Variants in CSE1L observed in about 807,000 individuals in gnomAD.
CSE1L encodes the protein exportin-2.
In CSE1L, 24 loss-of-function variants were observed where a neutral mutation model predicts 120.4. The ratio of observed to expected loss-of-function variants is 0.20; its 90% CI spans 0.14 to 0.28. The LOEUF is 0.28. Ranked by LOEUF, CSE1L falls within the 10% of genes least tolerant of loss-of-function variation. The pLI is 1.00. For synonymous variants in CSE1L, 402 were observed against 398.3 expected, an observed-to-expected ratio of 1.01 and a Z score of -0.11; for missense variants, 830 against 1,145.2, an observed-to-expected ratio of 0.72 and a Z score of 3.97.
chr20:49,059,715 TAAA>T, intron 2 of CSE1L, among the ~76,000 whole-genome samples: 1 of 151,608 alleles, frequency 6.6e-6, no homozygotes, highest in East Asian at 2.0e-4. Flanking sequence ...CCTTCTCTAC[TAAA>T]AAATACAAAA....
At chr20:49,058,431 CA>C in intron 1 of CSE1L, 21 bp from the exon 2 acceptor site, 2 of 1,529,378 alleles carry the variant, frequency 1.3e-6, no homozygotes, top group African/African-American at 2.8e-5. Context: ...ACCAGTTATC[CA>C]AACCTTATTT....
chr20:49,063,209 A>G lies in CSE1L; in HGVS notation c.93A>G (p.Lys31=), dbSNP rs748608785. The change falls in exon 3 of 25, where the codon AAA becomes AAG. Residue 31 remains lysine, a synonymous_variant. Transcript: ENST00000262982. ...ATGAAAATTCTTTTACAGCTGAGAAATTTCTTGAATCTGTTGAAGGAAATC... is the reference window on the plus strand; with the variant it reads ...ATGAAAATTCTTTTACAGCTGAGAAGTTTCTTGAATCTGTTGAAGGAAATC... The part of the protein sequence containing the change: ...PDPAIRRPAE[K]FLESVEGNQN... 71 of 1,576,076 alleles carry G rather than the reference A, an allele frequency of 4.5e-5. No individual in the cohort carries two copies. In the Middle Eastern group the frequency reaches 1.4e-3, roughly 31 times the overall value.
At chr20:49,049,936 A>G (rs137910800) in intron 1 of CSE1L, among the ~76,000 whole-genome samples, 3 of 152,152 alleles carry the variant, frequency 2.0e-5, no homozygotes, top group Admixed American at 6.6e-5. Flanking sequence ...TTGAAGTAGG[A>G]GGATGGCTTG....
intron 3 of CSE1L, among the ~76,000 whole-genome samples, chr20:49,063,881 C>A (rs546553215): frequency 2.0e-5 from 3 of 151,836 alleles, no homozygotes; most frequent in Non-Finnish European, 4.4e-5. Context: ...GGTATTTTGC[C>A]CTATGTCTTG....
intron 14 of CSE1L, among the ~76,000 whole-genome samples, chr20:49,083,791 C>G (rs911984819): frequency 2.0e-5 from 3 of 152,110 alleles, no homozygotes; most frequent in African/African-American, 7.2e-5. Flanking sequence ...GTTGATTTAT[C>G]TGCAAGATGT....
At chr20:49,070,508 A>T (rs985675435) in intron 8 of CSE1L, among the ~76,000 whole-genome samples, 1 of 152,258 alleles carries the variant, frequency 6.6e-6, no homozygotes, top group Non-Finnish European at 1.5e-5. Context: ...GTGTACATAT[A>T]AGGCTGTTTC....
In CSE1L at chr20:49,072,693, T is replaced by C. The variant is rs1364968893; in HGVS notation, c.1062T>C (p.Phe354=). 1.2e-6 allele frequency: 2 copies of C among 1,605,692 alleles called. No homozygotes were observed. The highest frequency in any genetic ancestry group is 1.3e-5 in the African/African-American group (1 of 74,586). The change falls in exon 10 of 25, where the codon TTT becomes TTC. Residue 354 remains phenylalanine, a synonymous_variant. Coordinates refer to ENST00000262982, the MANE Select transcript of CSE1L (RefSeq NM_001316.4). ...AGGTTATTGTGCCTAACATGGAATTTAGAGGTAATTATGGCAAAAGTATAT... is the reference window on the plus strand; with the variant it reads ...AGGTTATTGTGCCTAACATGGAATTCAGAGGTAATTATGGCAAAAGTATAT... ...CEKVIVPNME[F]RAADEEAFED...
intron 12 of CSE1L, among the ~76,000 whole-genome samples, chr20:49,075,855 T>C (rs2426114): frequency 0.61 from 92,939 of 152,086 alleles, 28,500 homozygotes; most frequent in East Asian, 0.66. Flanking sequence ...ATTTTTGAGA[T>C]GGAGTCTCAC....
In CSE1L at chr20:49,059,661, C is replaced by G. The variant is rs976321587; in HGVS notation, c.85+1113C>G. Among the ~76,000 whole-genome samples, 6 of 152,038 alleles carry G rather than the reference C, an allele frequency of 3.9e-5. No individual in the cohort carries two copies. The East Asian group carries it at 5.8e-4, about 15-fold the overall frequency. Reference sequence around the variant, plus strand: ...TTGGGAGGCCGAGGTGGGCAGATCACGAGGGCAGGAGATCGAGACCATCGT... The same window carrying G: ...TTGGGAGGCCGAGGTGGGCAGATCAGGAGGGCAGGAGATCGAGACCATCGT... On this transcript the variant is annotated intron_variant, in intron 2 of 24. Transcript: ENST00000262982.
chr20:49,072,237 T>G, intron 8 of CSE1L, 49 bp from the exon 9 acceptor site: 1 of 1,583,736 alleles, frequency 6.3e-7, no homozygotes, highest in Non-Finnish European at 8.6e-7. Flanking sequence ...CTCTTACTTA[T>G]GTTAGCATTA....
chr20:49,079,652 G>A (rs78946216), intron 14 of CSE1L, among the ~76,000 whole-genome samples: 2,322 of 152,146 alleles, frequency 0.015, 68 homozygotes, highest in South Asian at 0.085. Flanking sequence ...GTTCCAGGAC[G>A]CCTGAATATC....
At chr20:49,049,953 G>A (rs1431685924) in intron 1 of CSE1L, among the ~76,000 whole-genome samples, 1 of 152,100 alleles carries the variant, frequency 6.6e-6, no homozygotes, top group Non-Finnish European at 1.5e-5. Flanking sequence ...CTTGAGCCCA[G>A]GAGGCAGAGG....
chr20:49,066,080 A>G (rs936824902), intron 3 of CSE1L, 112 bp from the exon 4 acceptor site: 2 of 872,942 alleles, frequency 2.3e-6, no homozygotes, highest in South Asian at 1.8e-5. Context: ...ACCTTCCTCT[A>G]TTTGTTTTCT....
At chr20:49,056,847 CTGTGTGTGTG>C (rs3223230) in intron 1 of CSE1L, among the ~76,000 whole-genome samples, 2,698 of 149,058 alleles carry the variant, frequency 0.018, 71 homozygotes, top group East Asian at 0.08. Flanking sequence ...ACTTCACATG[CTGTGTGTGTG>C]TGTGTGTGTG....
intron 14 of CSE1L, among the ~76,000 whole-genome samples, chr20:49,082,466 A>T (rs1336122899): frequency 6.6e-6 from 1 of 151,650 alleles, no homozygotes; most frequent in Non-Finnish European, 1.5e-5. Context: ...TTTTGTTTGT[A>T]TAAATGACAT....
chr20:49,066,318 G>A, intron 4 of CSE1L, 25 bp downstream of exon 4: 2 of 1,613,982 alleles, frequency 1.2e-6, no homozygotes, highest in Non-Finnish European at 1.7e-6. Flanking sequence ...CTTTTTAGAT[G>A]GGCTCCTCTG....
intron 1 of CSE1L, among the ~76,000 whole-genome samples, chr20:49,052,321 A>G (rs1404013149): frequency 6.6e-6 from 1 of 152,264 alleles, no homozygotes; most frequent in African/African-American, 2.4e-5. Context: ...TAGTGTGTGT[A>G]TGAGACGACA....
At chr20:49,046,580 G>A (rs913846312) in intron 1 of CSE1L, among the ~76,000 whole-genome samples, 157 bp downstream of exon 1, 10 of 152,336 alleles carry the variant, frequency 6.6e-5, no homozygotes, top group African/African-American at 2.4e-4. Flanking sequence ...GTGCGCTCAG[G>A]CAAGGTCTTC....
chr20:49,084,987 T>C (rs1177345471), intron 15 of CSE1L, among the ~76,000 whole-genome samples: 1 of 152,194 alleles, frequency 6.6e-6, no homozygotes, highest in Admixed American at 6.5e-5. Context: ...CCCCTGAGAT[T>C]CTGAGTTCTT....
Sources: gnomAD v4.1 joint callset for allele counts (sites outside exome capture counted in the v4.1 genomes callset) on GRCh38, gnomAD v4.1.1 for gene constraint, MANE v1.5 for transcripts, NCBI Gene and HGNC (gene_info 2026-07-23, HGNC 2026-07-21) for gene names.